GSG1L: variants seen among roughly 807,000 people sequenced by gnomAD.
GSG1L encodes GSG1 like, also known as germ cell-specific gene 1-like protein.
GSG1L carries 24 observed loss-of-function variants against 42.1 expected under a neutral mutation model. The observed-to-expected ratio is 0.57, with a 90% confidence interval of 0.41 to 0.80. The LOEUF is 0.80. GSG1L is among the 30% of genes least tolerant of loss of function. The pLI is 0.00. For synonymous variants in GSG1L, 215 were observed against 203.5 expected, an observed-to-expected ratio of 1.06 and a Z score of -0.48; for missense variants, 445 against 472.2, an observed-to-expected ratio of 0.94 and a Z score of 0.53.
At chr16:28,058,968 TG>T (rs2086309889) in intron 1 of GSG1L, among the ~76,000 whole-genome samples, 3 of 152,150 alleles carry the variant, frequency 2.0e-5, no homozygotes, top group Admixed American at 1.3e-4. Flanking sequence ...GGATGCTGGG[TG>T]CAGGATGAAC....
chr16:27,978,660 C>T (rs1369356570), intron 1 of GSG1L, among the ~76,000 whole-genome samples: 1 of 139,962 alleles, frequency 7.1e-6, no homozygotes, highest in Admixed American at 7.3e-5. Flanking sequence ...CACTGCACTC[C>T]AGCCTGGGTG....
intron 5 of GSG1L, among the ~76,000 whole-genome samples, chr16:27,816,544 G>A (rs139721942): frequency 1.2e-4 from 18 of 152,334 alleles, no homozygotes; most frequent in African/African-American, 3.8e-4. Context: ...AAGGTGAAGC[G>A]AAGACAGATT....
At position 27,957,206 on chromosome 16, in the gene GSG1L, A is replaced by G. The variant is rs368474999; in HGVS notation, c.397+5950T>C. Among the ~76,000 whole-genome samples, 19 of 152,080 alleles carry G rather than the reference A, an allele frequency of 1.2e-4. 1 individual carries two copies. The highest frequency in any genetic ancestry group is 5.8e-4 in the East Asian group (3 of 5,182). ...TCTACTAAAAATACAAAATAGCTGG[A>G]TGTGGTGGCACACGCCTGCAGTCCC... is the stretch of plus-strand genomic sequence containing the variant. On this transcript the variant is annotated intron_variant, in intron 2 of 6. Coordinates refer to ENST00000447459, the MANE Select transcript of GSG1L (RefSeq NM_001109763.2).
rs1430206495 is a variant in GSG1L at position 27,789,459 on chromosome 16, G to T, written c.*1911C>A. The T allele has an allele frequency of 6.6e-6, 1 of 151,628 alleles. No individual in the cohort carries two copies. Among genetic ancestry groups the T allele is most frequent in the African/African-American group, 2.4e-5 (1 of 41,258 alleles). 9.4% of individuals were successfully genotyped at this position (151,628 alleles called of 1,614,324 possible). The stretch of plus-strand genomic sequence containing the variant: ...TGATGGCTGATGAATGATGGATAAA[G>T]GATGGATGGATGATGGATAGATGGA... On this transcript the variant is annotated 3_prime_UTR_variant, in exon 7 of 7. Transcript: ENST00000447459.
chr16:27,896,194 C>T (rs1309807815), intron 2 of GSG1L, among the ~76,000 whole-genome samples: 2 of 152,186 alleles, frequency 1.3e-5, no homozygotes, highest in African/African-American at 4.8e-5. Flanking sequence ...CAGCCTGCAG[C>T]TGTACTTCCT....
intron 2 of GSG1L, among the ~76,000 whole-genome samples, chr16:27,931,651 T>A (rs1254185652): frequency 6.6e-6 from 1 of 152,226 alleles, no homozygotes; most frequent in Non-Finnish European, 1.5e-5. Flanking sequence ...TCCATCAGCC[T>A]GCACCTGGAT....
chr16:27,870,839 GTCCTCCGT>G (rs1423807577), intron 3 of GSG1L, among the ~76,000 whole-genome samples: 1 of 151,282 alleles, frequency 6.6e-6, no homozygotes, highest in East Asian at 1.9e-4. Context: ...CCCATCCACA[GTCCTCCGT>G]TCCCTCTGCC....
intron 4 of GSG1L, among the ~76,000 whole-genome samples, chr16:27,833,094 A>C (rs2083289214): frequency 6.6e-6 from 1 of 152,206 alleles, no homozygotes; most frequent in Non-Finnish European, 1.5e-5. Context: ...TACATTTTAT[A>C]CTTAAATCTG....
chr16:27,882,578 G>C (rs2083972929), intron 3 of GSG1L, among the ~76,000 whole-genome samples: 1 of 152,102 alleles, frequency 6.6e-6, no homozygotes, highest in Non-Finnish European at 1.5e-5. Context: ...CGCATCATCA[G>C]GCCTTTGCTT....
intron 2 of GSG1L, among the ~76,000 whole-genome samples, chr16:27,895,137 T>C (rs1025738695): frequency 6.6e-6 from 1 of 152,182 alleles, no homozygotes; most frequent in African/African-American, 2.4e-5. Flanking sequence ...CAGAAATGTC[T>C]TGTTTGGCCC....
intron 6 of GSG1L, among the ~76,000 whole-genome samples, chr16:27,797,886 G>A (rs1297348610): frequency 6.6e-6 from 1 of 151,264 alleles, no homozygotes; most frequent in African/African-American, 2.4e-5. Flanking sequence ...TAGCAACATG[G>A]GTAGAGCTGG....
intron 2 of GSG1L, among the ~76,000 whole-genome samples, chr16:27,937,006 C>T (rs2084725983): frequency 6.6e-6 from 1 of 152,222 alleles, no homozygotes; most frequent in South Asian, 2.1e-4. Context: ...AGCTCAGTCC[C>T]TCGCGGTGGG....
intron 1 of GSG1L, among the ~76,000 whole-genome samples, chr16:27,979,661 A>AAGAAAGAAAGAAAGAAAGAAAGAGAGAG (rs368394279): frequency 7.4e-5 from 5 of 67,694 alleles, no homozygotes; most frequent in Admixed American, 1.8e-4. Flanking sequence ...GAAAGAAAGA[A>AAGAAAGAAAGAAAGAAAGAAAGAGAGAG]AGAGAGAGAG....
intron 2 of GSG1L, among the ~76,000 whole-genome samples, chr16:27,945,247 T>C (rs906114864): frequency 3.3e-5 from 5 of 152,118 alleles, no homozygotes; most frequent in African/African-American, 1.2e-4. Flanking sequence ...CACTGAATTA[T>C]ACACTTTAAA....
Position 27,844,950 on chromosome 16 carries a change from C to G in GSG1L, c.662G>C (p.Cys221Ser). ...PHSWDYGWSF[C>S]LAWGSFTCCM... ...GCTCTTGTCCTGAAGGTCCACTTAC[C>G]AGAAGGACCACCCGTAGTCCCAGGA... Residue 221 changes from cysteine (C) to serine (S), a missense_variant and splice_region_variant, in exon 4 of 7, where the codon TGC becomes TCC. Around this residue, in one of 3 missense-constraint regions of GSG1L, gnomAD observed 149 missense variants for 223.3 expected, o/e 0.67. Coordinates refer to ENST00000447459, the MANE Select transcript of GSG1L (RefSeq NM_001109763.2). 6.3e-7 allele frequency: 1 copy of G among 1,596,238 alleles called. No homozygotes were observed. Among genetic ancestry groups the G allele is most frequent in the African/African-American group, 1.3e-5 (1 of 74,610 alleles).
intron 3 of GSG1L, among the ~76,000 whole-genome samples, chr16:27,878,879 C>T (rs2083918534): frequency 6.6e-6 from 1 of 152,142 alleles, no homozygotes; most frequent in Admixed American, 6.5e-5. Context: ...GGATTCACAG[C>T]CAAGGAGCAG....
chr16:27,815,299 G>A (rs1597468659), intron 5 of GSG1L, among the ~76,000 whole-genome samples: 1 of 152,094 alleles, frequency 6.6e-6, no homozygotes, highest in South Asian at 2.1e-4. Context: ...GTTTAAAGGA[G>A]CCTGGCATCT....
intron 1 of GSG1L, among the ~76,000 whole-genome samples, chr16:28,046,380 G>A (rs1382834680): frequency 2.4e-5 from 3 of 123,544 alleles, no homozygotes; most frequent in African/African-American, 9.8e-5. Flanking sequence ...CTGAGACGGA[G>A]TCTAGTTCTG....
At chr16:28,046,831 C>T (rs752930100) in intron 1 of GSG1L, among the ~76,000 whole-genome samples, 2 of 152,204 alleles carry the variant, frequency 1.3e-5, no homozygotes, top group South Asian at 4.1e-4. Flanking sequence ...TGCCTGGACA[C>T]GGTTTCCTCT....
Sources: allele counts gnomAD v4.1 joint callset (sites outside exome capture counted in the v4.1 genomes callset), GRCh38; gene constraint gnomAD v4.1.1; regional missense constraint gnomAD v4.1.1; transcripts MANE v1.5; gene names NCBI Gene and HGNC (gene_info 2026-07-23, HGNC 2026-07-21).